The following SEC14L1 variants were observed in gnomAD, a reference collection of about 807,000 sequenced individuals.
SEC14L1 encodes SEC14-like protein 1.
A neutral mutation model predicts 85.3 loss-of-function variants in SEC14L1; 48 were observed. The observed-to-expected ratio is 0.56, with a 90% CI of 0.45 to 0.72. The LOEUF (loss-of-function observed/expected upper bound fraction) is 0.72. SEC14L1 is among the 30% of genes least tolerant of loss of function. SEC14L1 has a pLI of 0.00. For synonymous variants in SEC14L1, 391 were observed against 355.5 expected, an observed-to-expected ratio of 1.10 and a Z score of -1.12; for missense variants, 682 against 921.4, an observed-to-expected ratio of 0.74 and a Z score of 3.36.
intron 3 of SEC14L1, among the ~76,000 whole-genome samples, chr17:77,171,464 G>A (rs2143687842): frequency 6.6e-6 from 1 of 152,338 alleles, no homozygotes; most frequent in East Asian, 1.9e-4. Flanking sequence ...TGGTCAGCAA[G>A]ATTATTCCCT....
chr17:77,179,588 A>G (rs185913686), intron 3 of SEC14L1, among the ~76,000 whole-genome samples: 2 of 152,252 alleles, frequency 1.3e-5, no homozygotes, highest in African/African-American at 4.8e-5. Flanking sequence ...AGAACCATGG[A>G]GTTTGAGGTC....
intron 3 of SEC14L1, among the ~76,000 whole-genome samples, chr17:77,181,307 GT>G (rs1263724137): frequency 1.3e-5 from 2 of 152,132 alleles, no homozygotes; most frequent in Non-Finnish European, 1.5e-5. Context: ...ACCTGAAGTG[GT>G]TTCCCCCTGA....
chr17:77,097,507 T>C (rs534843137), intron 3 of SEC14L1, among the ~76,000 whole-genome samples: 2 of 151,654 alleles, frequency 1.3e-5, no homozygotes, highest in African/African-American at 2.4e-5. Context: ...GAGGTTGCAG[T>C]GAGCCGGGAT....
chr17:77,207,277 A>G (rs1598401328), intron 13 of SEC14L1, among the ~76,000 whole-genome samples: 1 of 116,088 alleles, frequency 8.6e-6, no homozygotes, highest in Non-Finnish European at 1.7e-5. Context: ...TCTGTCACCC[A>G]GGCTGGAGTG....
chr17:77,186,275 G>A (rs1975261867), intron 3 of SEC14L1, among the ~76,000 whole-genome samples: 1 of 152,146 alleles, frequency 6.6e-6, no homozygotes, highest in African/African-American at 2.4e-5. Context: ...TCCCCTGGGG[G>A]CTGTGGGTCC....
intron 3 of SEC14L1, among the ~76,000 whole-genome samples, chr17:77,150,982 A>G (rs1481853338): frequency 6.6e-6 from 1 of 152,052 alleles, no homozygotes; most frequent in Non-Finnish European, 1.5e-5. Context: ...CCTGGATTTC[A>G]TCCTTGGGCC....
At chr17:77,119,382 ACT>A (rs1598246965) in intron 3 of SEC14L1, among the ~76,000 whole-genome samples, 1 of 151,466 alleles carries the variant, frequency 6.6e-6, no homozygotes, top group East Asian at 1.9e-4. Context: ...CGAATTCCAG[ACT>A]CTGTCCTACC....
At chr17:77,201,327 T>A (rs1976130068) in intron 9 of SEC14L1, among the ~76,000 whole-genome samples, 1 of 152,190 alleles carries the variant, frequency 6.6e-6, no homozygotes, top group African/African-American at 2.4e-5. Flanking sequence ...GGAAGCACCG[T>A]AGAACTGGTT....
intron 3 of SEC14L1, among the ~76,000 whole-genome samples, chr17:77,097,436 C>T (rs1009031556): frequency 6.6e-6 from 1 of 152,134 alleles, no homozygotes; most frequent in Non-Finnish European, 1.5e-5. Flanking sequence ...TAGTGGCGCA[C>T]GCCTGTAATC....
chr17:77,202,412 A>G (rs904989020), intron 9 of SEC14L1, among the ~76,000 whole-genome samples: 4 of 152,188 alleles, frequency 2.6e-5, no homozygotes, highest in Non-Finnish European at 4.4e-5. Flanking sequence ...TGAGATCAGG[A>G]GTTCAAGACC....
At chr17:77,139,498 ATTTT>A (rs34187673), upstream of SEC14L1, among the ~76,000 whole-genome samples, 48 of 132,818 alleles carry the variant, frequency 3.6e-4, no homozygotes, top group Admixed American at 6.1e-4. Context: ...GGTGGATGTG[ATTTT>A]TTTTTTTTTT....
At chr17:77,133,994 G>A (rs1550632) in intron 3 of SEC14L1, among the ~76,000 whole-genome samples, 49,076 of 149,346 alleles carry the variant, frequency 0.33, 8,513 homozygotes, top group Middle Eastern at 0.39. Flanking sequence ...GTGTTTCAGA[G>A]TGCCCACTCT....
chr17:77,132,218 T>C (rs1972633411), intron 3 of SEC14L1, among the ~76,000 whole-genome samples: 3 of 151,082 alleles, frequency 2.0e-5, no homozygotes, highest in African/African-American at 7.4e-5. Context: ...GCCTTTATTC[T>C]GCATGGAATT....
chr17:77,098,320 A>G (rs1315480617), intron 3 of SEC14L1, among the ~76,000 whole-genome samples: 45 of 151,964 alleles, frequency 3.0e-4, no homozygotes, highest in African/African-American at 1.0e-3. Context: ...CCAACATGGC[A>G]AAACCCCATC....
chr17:77,148,294 C>G (rs1973405847), intron 3 of SEC14L1, among the ~76,000 whole-genome samples: 1 of 151,952 alleles, frequency 6.6e-6, no homozygotes, highest in Non-Finnish European at 1.5e-5. Context: ...CCTTCTGAAC[C>G]CGATTTTTGT....
At chr17:77,145,960 G>A (rs1043920148) in intron 3 of SEC14L1, among the ~76,000 whole-genome samples, 7 of 152,224 alleles carry the variant, frequency 4.6e-5, no homozygotes, top group Non-Finnish European at 1.0e-4. Context: ...TCTGGCCCCA[G>A]TTCAACTCTG....
chr17:77,119,290 A>G (rs1432693811), intron 3 of SEC14L1, among the ~76,000 whole-genome samples: 2 of 149,000 alleles, frequency 1.3e-5, no homozygotes, highest in Non-Finnish European at 3.0e-5. Context: ...CCTGGGTGAC[A>G]GAGTGAGACT....
In SEC14L1 at chr17:77,216,685, G is replaced by T; in HGVS notation, c.*2662G>T. ...GCTGAAGATCTGTTCTTTTTAAGTTGATTCGGGAGTGGCATTCTTTTATAC... is the reference window on the plus strand; with the variant it reads ...GCTGAAGATCTGTTCTTTTTAAGTTTATTCGGGAGTGGCATTCTTTTATAC... On this transcript the variant is annotated 3_prime_UTR_variant, in exon 17 of 17. Transcript: ENST00000436233. 1.3e-6 allele frequency: 2 copies of T among 1,567,482 alleles called. No homozygotes were observed. Among genetic ancestry groups the T allele is most frequent in the South Asian group, 1.1e-5 (1 of 88,838 alleles).
intron 3 of SEC14L1, among the ~76,000 whole-genome samples, chr17:77,166,445 C>T (rs1019387539): frequency 2.6e-5 from 4 of 152,188 alleles, no homozygotes; most frequent in Non-Finnish European, 5.9e-5. Context: ...AGAATGGTAA[C>T]TGGAGTGGGG....
Sources: allele counts gnomAD v4.1 joint callset (sites outside exome capture counted in the v4.1 genomes callset), GRCh38; gene constraint gnomAD v4.1.1; transcripts MANE v1.5; gene names NCBI Gene and HGNC (gene_info 2026-07-23, HGNC 2026-07-21).